LRP1B: variants seen among roughly 807,000 people sequenced by gnomAD.
LRP1B encodes LDL receptor related protein 1B, also known as low-density lipoprotein receptor-related protein 1B.
A neutral mutation model predicts 556.6 loss-of-function variants in LRP1B; 217 were observed. The ratio of observed to expected loss-of-function variants is 0.39; its 90% CI spans 0.35 to 0.44. The LOEUF is 0.44. Among genes scored for constraint, LRP1B ranks in the 20% least tolerant of loss-of-function variants. The probability of loss-of-function intolerance (pLI) is 1.00; values close to 1 mark genes in which losing one functional copy is unlikely to be tolerated. For synonymous variants in LRP1B, 2,047 were observed against 1,865.8 expected (o/e 1.10, Z -2.50); for missense variants, 5,053 against 5,620.8 (o/e 0.90, Z 3.23).
chr2:140,783,022 G>A (rs1290155552), intron 32 of LRP1B, among the ~76,000 whole-genome samples: 2 of 152,022 alleles, frequency 1.3e-5, no homozygotes, highest in African/African-American at 2.4e-5. Flanking sequence ...GTCTCCCATT[G>A]GACCTAATAA....
chr2:141,784,604 A>G (rs1695367681), intron 2 of LRP1B, among the ~76,000 whole-genome samples: 2 of 151,886 alleles, frequency 1.3e-5, no homozygotes, highest in South Asian at 4.1e-4. Context: ...ACTTGTAGAG[A>G]CAACAAAAGC....
chr2:140,588,648 A>G (rs1558987430), intron 43 of LRP1B, among the ~76,000 whole-genome samples: 1 of 152,196 alleles, frequency 6.6e-6, no homozygotes, highest in Non-Finnish European at 1.5e-5. Context: ...ATTTTTGAAA[A>G]AAGTATACAA....
chr2:140,743,627 T>C (rs1403048936), intron 35 of LRP1B, among the ~76,000 whole-genome samples: 1 of 152,112 alleles, frequency 6.6e-6, no homozygotes, highest in Non-Finnish European at 1.5e-5. Context: ...TTGCATATAG[T>C]ACACATGTAT....
intron 1 of LRP1B, among the ~76,000 whole-genome samples, chr2:142,094,300 GT>G (rs1304555910): frequency 2.6e-5 from 4 of 151,982 alleles, no homozygotes; most frequent in Admixed American, 2.6e-4. Flanking sequence ...TAAGGCTGGT[GT>G]TTTTTTGATT....
intron 35 of LRP1B, among the ~76,000 whole-genome samples, chr2:140,751,374 C>T (rs1220728859): frequency 2.6e-5 from 4 of 152,040 alleles, no homozygotes; most frequent in Admixed American, 6.6e-5. Flanking sequence ...ACTATAGCAA[C>T]GTGAATGAAC....
rs192847616 is a variant in LRP1B, at chr2:141,879,997, C to T, written c.83-69596G>A. Among the ~76,000 whole-genome samples the T allele has an allele frequency of 2.6e-5, 4 of 151,918 alleles. No individual in the cohort carries two copies. In the East Asian group the frequency reaches 5.8e-4, roughly 22 times the overall value. Reference sequence around the variant, plus strand: ...CTACATTTGTTAATTTCTTCTATTGCCTTAAAATTCTATACCCTCCCATAC... The same window carrying T: ...CTACATTTGTTAATTTCTTCTATTGTCTTAAAATTCTATACCCTCCCATAC... On this transcript the variant is annotated intron_variant, in intron 1 of 90. Coordinates refer to ENST00000389484, the MANE Select transcript of LRP1B (RefSeq NM_018557.3).
intron 18 of LRP1B, 42 bp from the exon 19 acceptor site, chr2:140,951,982 G>T: frequency 7.6e-7 from 1 of 1,308,514 alleles, no homozygotes; most frequent in Non-Finnish European, 1.1e-6. Flanking sequence ...ACATGTTATT[G>T]ACTGTGCATG....
chr2:141,598,033 C>T (rs990981147), intron 2 of LRP1B, among the ~76,000 whole-genome samples: 11 of 151,964 alleles, frequency 7.2e-5, no homozygotes, highest in Middle Eastern at 3.4e-3. Flanking sequence ...CACACAGAGC[C>T]GTGTATACAG....
intron 57 of LRP1B, among the ~76,000 whole-genome samples, chr2:140,489,055 A>C (rs1012791184): frequency 6.6e-6 from 1 of 151,982 alleles, no homozygotes; most frequent in African/African-American, 2.4e-5. Flanking sequence ...TACTCTTCAG[A>C]TATTTTTTTC....
chr2:142,016,771 A>G (rs1189139504), intron 1 of LRP1B, among the ~76,000 whole-genome samples: 1 of 151,332 alleles, frequency 6.6e-6, no homozygotes, highest in Non-Finnish European at 1.5e-5. Flanking sequence ...GCACGTGTAT[A>G]CCTATGTAAC....
At chr2:141,811,943 C>G (rs1275281096) in intron 1 of LRP1B, among the ~76,000 whole-genome samples, 1 of 152,068 alleles carries the variant, frequency 6.6e-6, no homozygotes, top group African/African-American at 2.4e-5. Flanking sequence ...TGTCTGTATT[C>G]CTCTAAAGAT....
At chr2:141,083,632 G>A (rs561847841) in intron 7 of LRP1B, among the ~76,000 whole-genome samples, 13 of 152,152 alleles carry the variant, frequency 8.5e-5, no homozygotes, top group Non-Finnish European at 1.2e-4. Flanking sequence ...CTCTGCTTTC[G>A]TAAGTGGATT....
chr2:141,738,236 G>A (rs10803486), intron 2 of LRP1B, among the ~76,000 whole-genome samples: 110,117 of 152,012 alleles, frequency 0.72, 41,783 homozygotes, highest in East Asian at 0.89. Context: ...GCCTAAGCCC[G>A]ACTCTTATAC....
chr2:141,168,497 C>T (rs560634344), intron 7 of LRP1B, among the ~76,000 whole-genome samples: 8 of 151,714 alleles, frequency 5.3e-5, no homozygotes, highest in African/African-American at 7.3e-5. Flanking sequence ...CAATCACTAC[C>T]GAAATTTAAA....
At chr2:141,619,122 T>A (rs1195310831) in intron 2 of LRP1B, among the ~76,000 whole-genome samples, 1 of 152,180 alleles carries the variant, frequency 6.6e-6, no homozygotes, top group Admixed American at 6.5e-5. Context: ...TCTATTCGGT[T>A]ATTTAAAACC....
chr2:140,839,874 A>C, intron 31 of LRP1B, 117 bp downstream of exon 31: 1 of 708,368 alleles, frequency 1.4e-6, no homozygotes, highest in Non-Finnish European at 2.4e-6. Flanking sequence ...TCAGTTCCTG[A>C]ATTTACTTAT....
intron 41 of LRP1B, among the ~76,000 whole-genome samples, chr2:140,680,359 C>CT (rs34454877): frequency 0.18 from 26,688 of 151,736 alleles, 2,511 homozygotes; most frequent in African/African-American, 0.24. Flanking sequence ...AATAAGCTCC[C>CT]TTTTTTCCCA....
chr2:141,165,335 CTTATTTTTGT>C (rs1393234738), intron 7 of LRP1B, among the ~76,000 whole-genome samples: 1 of 40,790 alleles, frequency 2.5e-5, no homozygotes, highest in Non-Finnish European at 4.5e-5. Flanking sequence ...TACCAACTGT[CTTATTTTTGT>C]TTATTTATTT....
At chr2:141,092,218 T>C (rs915145049) in intron 7 of LRP1B, among the ~76,000 whole-genome samples, 1 of 152,214 alleles carries the variant, frequency 6.6e-6, no homozygotes, top group African/African-American at 2.4e-5. Context: ...GGCAAAAAGA[T>C]AATGATGGCT....
Sources: allele counts gnomAD v4.1 joint callset (sites outside exome capture counted in the v4.1 genomes callset), GRCh38; gene constraint gnomAD v4.1.1; transcripts MANE v1.5; gene names NCBI Gene and HGNC (gene_info 2026-07-23, HGNC 2026-07-21).